Variants in SEC31B observed in about 807,000 individuals in gnomAD.
SEC31B encodes the protein SEC31 homolog B, COPII component.
Under a neutral mutation model 135.0 loss-of-function variants are expected in SEC31B, and 113 were observed. That is an observed-to-expected ratio of 0.84 (90% confidence interval 0.72 to 0.98). The LOEUF (loss-of-function observed/expected upper bound fraction) is 0.98, where lower values mean the gene tolerates loss of function less well. Among genes scored for constraint, SEC31B ranks in the 50% least tolerant of loss-of-function variants. The pLI is 0.00. For missense variants in SEC31B, 1,296 were observed against 1,421.1 expected (o/e 0.91, Z 1.42); for synonymous variants, 508 against 549.4 (o/e 0.92, Z 1.05).
chr10:100,489,499 T>C, intron 22 of SEC31B, 101 bp from the exon 23 acceptor site: 1 of 1,452,546 alleles, frequency 6.9e-7, no homozygotes, highest in Non-Finnish European at 9.4e-7. Context: ...GACAGAAGAG[T>C]GAGTGTGGGA....
Position 100,490,251 on chromosome 10 carries a change from A to C in SEC31B, c.2722T>G (p.Trp908Gly). 6.2e-7 allele frequency: 1 copy of C among 1,613,878 alleles called. No individual in the cohort carries two copies. The highest frequency in any genetic ancestry group is 8.5e-7 in the Non-Finnish European group (1 of 1,179,856). ...VPNPVGFPGT[W>G]PLPGSPLPMA... Reference sequence around the variant, plus strand: ...GGTAGAGGGGAACCAGGAAGAGGCCATGTCCCAGGGAATCCCACCGGGTTA... The same window carrying C: ...GGTAGAGGGGAACCAGGAAGAGGCCCTGTCCCAGGGAATCCCACCGGGTTA... The change falls in exon 21 of 26, where the codon TGG becomes GGG. Residue 908 changes from tryptophan (W) to glycine (G), a missense_variant. Physicochemically the swap from Trp to Gly is radical, Grantham distance 184. Coordinates refer to ENST00000370345, the MANE Select transcript of SEC31B (RefSeq NM_015490.4).
intron 19 of SEC31B, among the ~76,000 whole-genome samples, chr10:100,491,555 A>G (rs1025730278): frequency 3.3e-5 from 5 of 152,248 alleles, no homozygotes. Flanking sequence ...AGAAAGTGGG[A>G]TTGATTCCAG....
At chr10:100,515,309 G>A (rs1177205833) in intron 3 of SEC31B, among the ~76,000 whole-genome samples, 1 of 152,036 alleles carries the variant, frequency 6.6e-6, no homozygotes, top group Non-Finnish European at 1.5e-5. Flanking sequence ...AACAAAAACG[G>A]TATAGTAGTA....
Position 100,506,026 on chromosome 10 carries a change from C to G in SEC31B, c.1044+14G>C, listed in dbSNP as rs746313794. On this transcript the variant is annotated intron_variant, in intron 9 of 25. Transcript: ENST00000370345. ...GCCCCTTCCCTCCAGCATTCTCTAC[C>G]AAGCCCTTCAAACCTTGTCAGCCTG... is the stretch of plus-strand genomic sequence containing the variant. 3 of 1,613,128 alleles carry G rather than the reference C, an allele frequency of 1.9e-6. No individual in the cohort carries two copies. In the South Asian group the frequency reaches 3.3e-5, roughly 18 times the overall value.
In SEC31B at chr10:100,498,646, A is replaced by G; in HGVS notation, c.1684+59T>C. The G allele has an allele frequency of 1.5e-6, 2 of 1,307,156 alleles. 1 individual carries two copies. Among genetic ancestry groups the G allele is most frequent in the South Asian group, 2.4e-5 (2 of 82,394 alleles). The allele number at this position is 1,307,156 out of a possible 1,614,324, so 81.0% of individuals were successfully genotyped here. On this transcript the variant is annotated intron_variant, in intron 14 of 25. Transcript: ENST00000370345. ...AAGAAGGGAATGTCTCAAGTCCAAAACCTCCGTGCCCACCTAGTCCTAAGC... is the reference window on the plus strand; with the variant it reads ...AAGAAGGGAATGTCTCAAGTCCAAAGCCTCCGTGCCCACCTAGTCCTAAGC...
chr10:100,496,196 T>G, intron 18 of SEC31B, 62 bp downstream of exon 18: 2 of 1,548,040 alleles, frequency 1.3e-6, no homozygotes. Flanking sequence ...AATATGGAAG[T>G]GCTCAATCAA....
At position 100,488,939 on chromosome 10, in the gene SEC31B, CT is replaced by C; in HGVS notation, c.3206del (p.Lys1069ArgfsTer10). 1 of 1,611,266 alleles carries C rather than the reference CT, an allele frequency of 6.2e-7. No individual in the cohort carries two copies. The highest frequency in any genetic ancestry group is 8.5e-7 in the Non-Finnish European group (1 of 1,179,078). On this transcript the variant is annotated frameshift_variant, in exon 24 of 26. Coordinates refer to ENST00000370345, the MANE Select transcript of SEC31B (RefSeq NM_015490.4). LOFTEE classifies it high-confidence loss of function. ...QHLPPEKMER[K>X]ELPPEHQSLK... is the part of the protein sequence containing the mutation. ...AGGACTGATGCTCTGGGGGCAGCTC[CT>C]TCCTTTCCATCTTCTCAGGTGGCAG... is the stretch of plus-strand genomic sequence containing the variant.
rs766256306 is a variant in SEC31B at position 100,502,367 on chromosome 10, G to GC, written c.1296dup (p.Arg433AlafsTer4). ...AAGGCCTCCTGCAGCTCAGCTGATC[G>GC]CATCAGGAATTCAGATTCTGTGGTG... On this transcript the variant is annotated frameshift_variant, in exon 11 of 26. Coordinates refer to ENST00000370345, the MANE Select transcript of SEC31B (RefSeq NM_015490.4). LOFTEE classifies it high-confidence loss of function. 2 of 1,613,984 alleles carry GC rather than the reference G, an allele frequency of 1.2e-6. No individual in the cohort carries two copies. Among genetic ancestry groups the GC allele is most frequent in the Non-Finnish European group, 1.7e-6 (2 of 1,179,980 alleles).
chr10:100,506,855 T>A (rs999849184), intron 7 of SEC31B, among the ~76,000 whole-genome samples: 1 of 152,102 alleles, frequency 6.6e-6, no homozygotes, highest in African/African-American at 2.4e-5. Context: ...ATCCCAACAC[T>A]GTGCAAGGCC....
intron 10 of SEC31B, among the ~76,000 whole-genome samples, chr10:100,504,657 G>C (rs915320226): frequency 9.2e-5 from 14 of 152,098 alleles, no homozygotes; most frequent in Non-Finnish European, 1.6e-4. Flanking sequence ...CTTTAGTATA[G>C]TTAGAATGTA....
chr10:100,490,676 GC>G (rs770226903), intron 20 of SEC31B, 29 bp downstream of exon 20: 13 of 1,538,392 alleles, frequency 8.5e-6, no homozygotes, highest in Middle Eastern at 4.8e-4. Context: ...TCTGTGCTCT[GC>G]CCAGATAGAT....
At chr10:100,487,835 A>G in intron 25 of SEC31B, 40 bp from the exon 26 acceptor site, 1 of 1,608,988 alleles carries the variant, frequency 6.2e-7, no homozygotes, top group Non-Finnish European at 8.5e-7. Context: ...AGCCCAACCC[A>G]GCTCCTACCC....
At position 100,508,194 on chromosome 10, in the gene SEC31B, G is replaced by T; in HGVS notation, c.496-143C>A. ...CAAACTAAGACAGTGTTGCGAAGCT[G>T]GGAGTTGAATTTTCCAGGGAGGATC... On this transcript the variant is annotated intron_variant, in intron 5 of 25. Coordinates refer to ENST00000370345, the MANE Select transcript of SEC31B (RefSeq NM_015490.4). 4.1e-6 allele frequency: 4 copies of T among 987,252 alleles called. No homozygotes were observed. The South Asian group carries it at 4.6e-5, about 11-fold the overall frequency. The allele number at this position is 987,252 out of a possible 1,614,324, so 61.2% of individuals were successfully genotyped here. A position where few individuals can be genotyped will look rare whatever the true frequency, so the allele number is the denominator to read the frequency against.
intron 19 of SEC31B, 107 bp from the exon 20 acceptor site, chr10:100,490,990 A>G: frequency 1.3e-6 from 1 of 743,734 alleles, no homozygotes; most frequent in Non-Finnish European, 1.9e-6. Context: ...TAGTTCTTTG[A>G]GGAAAAAAAT....
Position 100,495,447 on chromosome 10 carries a change from C to A in SEC31B, c.2410G>T (p.Gly804Ter). 1 of 1,614,022 alleles carries A rather than the reference C, an allele frequency of 6.2e-7. No individual in the cohort carries two copies. The highest frequency in any genetic ancestry group is 8.5e-7 in the Non-Finnish European group (1 of 1,179,982). Residue 804 changes from glycine to a stop codon, truncating the protein, a stop_gained, in exon 19 of 26, where the codon GGA becomes TGA. Transcript: ENST00000370345. LOFTEE classifies it high-confidence loss of function. ...GTCTCTTTAGAGTGGAGGGTAGCTC[C>A]CACAACAATCCGGGGGAAGGGGAAA... is the stretch of plus-strand genomic sequence containing the variant. The part of the protein sequence containing the change: ...PPFPFPRIVV[G>*]ATLHSKETSS...
At position 100,488,931 on chromosome 10, in the gene SEC31B, G is replaced by A; in HGVS notation, c.3215C>T (p.Pro1072Leu). ...PPEKMERKEL[P>L]PEHQSLKSSF... is the part of the protein sequence containing the mutation. ...GCTCTTCAAGGACTGATGCTCTGGG[G>A]GCAGCTCCTTCCTTTCCATCTTCTC... is the stretch of plus-strand genomic sequence containing the variant. The change falls in exon 24 of 26, where the codon CCC becomes CTC. Residue 1072 changes from proline to leucine, a missense_variant. Transcript: ENST00000370345. 6.2e-7 allele frequency: 1 copy of A among 1,611,442 alleles called. No homozygotes were observed. The highest frequency in any genetic ancestry group is 1.1e-5 in the South Asian group (1 of 90,698).
intron 24 of SEC31B, 127 bp downstream of exon 24, chr10:100,488,731 A>C: frequency 7.7e-7 from 1 of 1,294,618 alleles, no homozygotes; most frequent in Non-Finnish European, 1.0e-6. Flanking sequence ...TCAATTAAGT[A>C]CAAGATAGAG....
At position 100,506,408 on chromosome 10, in the gene SEC31B, T is replaced by C. The variant is rs1851633019; in HGVS notation, c.795A>G (p.Ser265=). Residue 265 remains serine, a synonymous_variant, in exon 8 of 26, where the codon TCA becomes TCG. Coordinates refer to ENST00000370345, the MANE Select transcript of SEC31B (RefSeq NM_015490.4). ...CAGCATCAGCCTGGCTCCATGACAC[T>C]GACAAGATCCCCCTAAAAAGAGAAG... The part of the protein sequence containing the change: ...VLESHSRGIL[S]VSWSQADAEL... The C allele has an allele frequency of 6.2e-7, 1 of 1,614,028 alleles. No homozygotes were observed. Among genetic ancestry groups the C allele is most frequent in the African/African-American group, 1.3e-5 (1 of 74,904 alleles).
Position 100,490,107 on chromosome 10 carries a change from C to T in SEC31B, c.2866G>A (p.Ala956Thr). Residue 956 changes from alanine to threonine, a missense_variant, in exon 21 of 26, where the codon GCC becomes ACC. Ala to Thr is a moderately conservative substitution (Grantham distance 58). Coordinates refer to ENST00000370345, the MANE Select transcript of SEC31B (RefSeq NM_015490.4). Reference sequence around the variant, plus strand: ...GGCACAGGGAAGCTTGCAGGAGGGGCTGGGGTGTGGGAGACCATGCGGCCG... The same window carrying T: ...GGCACAGGGAAGCTTGCAGGAGGGGTTGGGGTGTGGGAGACCATGCGGCCG... ...GPGRMVSHTP[A>T]PPASFPVPYL... is the part of the protein sequence containing the mutation. 1.3e-6 allele frequency: 2 copies of T among 1,586,254 alleles called. No homozygotes were observed. Among genetic ancestry groups the T allele is most frequent in the Non-Finnish European group, 1.7e-6 (2 of 1,167,460 alleles).
Sources: gnomAD v4.1 joint callset for allele counts (sites outside exome capture counted in the v4.1 genomes callset) on GRCh38, gnomAD v4.1.1 for gene constraint, MANE v1.5 for transcripts, NCBI Gene and HGNC (gene_info 2026-07-23, HGNC 2026-07-21) for gene names.